The following KCNK2 variants were observed in gnomAD, a reference collection of about 807,000 sequenced individuals.
The protein encoded by KCNK2 is potassium channel subfamily K member 2.
A neutral mutation model predicts 40.5 loss-of-function variants in KCNK2; 21 were observed. The observed-to-expected ratio is 0.52, with a 90% CI of 0.37 to 0.75. KCNK2 has a LOEUF of 0.75. Among genes scored for constraint, KCNK2 ranks in the 30% least tolerant of loss-of-function variants. The pLI, the probability that KCNK2 is intolerant of heterozygous loss-of-function variation, is 0.00. For synonymous variants in KCNK2, 191 were observed against 202.2 expected, an observed-to-expected ratio of 0.94 and a Z score of 0.47; for missense variants, 399 against 531.6, an observed-to-expected ratio of 0.75 and a Z score of 2.45.
chr1:215,132,982 G>A (rs531075186), intron 3 of KCNK2, among the ~76,000 whole-genome samples: 1 of 152,192 alleles, frequency 6.6e-6, no homozygotes, highest in Non-Finnish European at 1.5e-5. Flanking sequence ...AAAGGGATTT[G>A]AGAACATTAG....
At chr1:215,025,066 T>C (rs975682467) in intron 1 of KCNK2, among the ~76,000 whole-genome samples, 2 of 151,986 alleles carry the variant, frequency 1.3e-5, no homozygotes, top group Non-Finnish European at 2.9e-5. Context: ...AGCTATCTGA[T>C]GGTTAAGTGC....
intron 1 of KCNK2, among the ~76,000 whole-genome samples, chr1:215,048,343 T>C (rs182716592): frequency 2.0e-5 from 3 of 152,304 alleles, no homozygotes; most frequent in Admixed American, 1.3e-4. Flanking sequence ...AAGCAAAGTG[T>C]GAGTAGCATT....
At chr1:215,115,274 G>A (rs966226535) in intron 2 of KCNK2, among the ~76,000 whole-genome samples, 4 of 151,928 alleles carry the variant, frequency 2.6e-5, no homozygotes, top group Non-Finnish European at 4.4e-5. Context: ...TGGAACTATA[G>A]GCTTAAGTGC....
At chr1:215,118,055 C>T (rs560606467) in intron 2 of KCNK2, among the ~76,000 whole-genome samples, 4 of 152,064 alleles carry the variant, frequency 2.6e-5, no homozygotes, top group Non-Finnish European at 5.9e-5. Flanking sequence ...AGTGTGGTTC[C>T]TCATTGTTTC....
At chr1:215,177,411 A>T (rs558210488) in intron 5 of KCNK2, among the ~76,000 whole-genome samples, 1 of 152,196 alleles carries the variant, frequency 6.6e-6, no homozygotes, top group East Asian at 1.9e-4. Context: ...TTGAGGACAT[A>T]GTCACAAATT....
At chr1:215,170,901 C>T (rs1276170414) in intron 4 of KCNK2, among the ~76,000 whole-genome samples, 4 of 151,776 alleles carry the variant, frequency 2.6e-5, no homozygotes, top group African/African-American at 7.3e-5. Flanking sequence ...AGTTCCATGC[C>T]CTTATGGTGA....
chr1:215,228,539 T>A (rs1006833698), intron 6 of KCNK2, among the ~76,000 whole-genome samples: 3 of 152,180 alleles, frequency 2.0e-5, no homozygotes, highest in Non-Finnish European at 2.9e-5. Context: ...ACCTCTTTCT[T>A]CCGTAAATTA....
intron 2 of KCNK2, among the ~76,000 whole-genome samples, chr1:215,092,134 A>AG (rs1387119199): frequency 6.6e-6 from 1 of 152,184 alleles, no homozygotes; most frequent in Non-Finnish European, 1.5e-5. Context: ...CTGGTAAGAA[A>AG]TGAGGGGGGC....
At chr1:215,230,578 AAGAC>A (rs1666616226) in intron 6 of KCNK2, among the ~76,000 whole-genome samples, 2 of 60,524 alleles carry the variant, frequency 3.3e-5, no homozygotes, top group African/African-American at 1.1e-4. Flanking sequence ...ATATATATAC[AAGAC>A]CGTAATATAT....
intron 3 of KCNK2, 136 bp from the exon 4 acceptor site, chr1:215,169,063 G>GTTC: frequency 1.7e-6 from 1 of 591,798 alleles, no homozygotes; most frequent in Non-Finnish European, 2.9e-6. Flanking sequence ...ACAATAGTAT[G>GTTC]TAATACAAAC....
At chr1:215,158,268 G>C (rs746701723) in intron 3 of KCNK2, among the ~76,000 whole-genome samples, 17 of 152,166 alleles carry the variant, frequency 1.1e-4, no homozygotes, top group Non-Finnish European at 1.9e-4. Context: ...CCATTTTGTG[G>C]TCAGTGAAAG....
rs1313932617 is a variant in KCNK2, at chr1:215,037,397, T to C, written c.34+31442T>C. On this transcript the variant is annotated intron_variant, in intron 1 of 6. Transcript: ENST00000391895. ...ATAAAGTCTGATTGGTTGTGATGAA[T>C]TGACTTTATTATATATTTCTGGGTT... Among the ~76,000 whole-genome samples, 6 of 152,008 alleles carry C rather than the reference T, an allele frequency of 3.9e-5. No homozygotes were observed. The East Asian group carries it at 5.8e-4, about 15-fold the overall frequency.
intron 1 of KCNK2, among the ~76,000 whole-genome samples, chr1:215,038,328 ACT>A (rs1030397570): frequency 6.6e-6 from 1 of 151,596 alleles, no homozygotes; most frequent in African/African-American, 2.4e-5. Flanking sequence ...GAAGTTCATG[ACT>A]CTTTTGTTCA....
At chr1:215,005,716 G>A, upstream of KCNK2, 1 of 536,206 alleles carries the variant, frequency 1.9e-6, no homozygotes, top group Non-Finnish European at 3.3e-6. Context: ...CATTTCACTT[G>A]CATACAGCAG....
chr1:215,049,296 C>A (rs1657897705), intron 1 of KCNK2, among the ~76,000 whole-genome samples: 1 of 152,132 alleles, frequency 6.6e-6, no homozygotes, highest in Admixed American at 6.6e-5. Context: ...CATCTTACAT[C>A]CACTTCAGTG....
intron 6 of KCNK2, among the ~76,000 whole-genome samples, chr1:215,224,996 G>A (rs1174803124): frequency 1.3e-5 from 2 of 151,990 alleles, no homozygotes; most frequent in African/African-American, 4.8e-5. Context: ...GTTTATTTAG[G>A]GCTGGATATG....
intron 3 of KCNK2, among the ~76,000 whole-genome samples, chr1:215,145,409 T>C (rs1662371431): frequency 2.0e-5 from 3 of 152,232 alleles, no homozygotes; most frequent in Admixed American, 2.0e-4. Context: ...AAGTCTTAAC[T>C]GCTATGCTAC....
chr1:215,176,124 C>G (rs901911588), intron 5 of KCNK2, among the ~76,000 whole-genome samples: 1 of 152,108 alleles, frequency 6.6e-6, no homozygotes, highest in South Asian at 2.1e-4. Context: ...AGTGTGTAAG[C>G]ATTCTCTTTT....
chr1:215,128,693 C>CA (rs1661543956), intron 3 of KCNK2, among the ~76,000 whole-genome samples: 1 of 152,012 alleles, frequency 6.6e-6, no homozygotes, highest in African/African-American at 2.4e-5. Context: ...AAAAAGCCTC[C>CA]CAGTCTGTGG....
Sources: gnomAD v4.1 joint callset for allele counts (sites outside exome capture counted in the v4.1 genomes callset) on GRCh38, gnomAD v4.1.1 for gene constraint, MANE v1.5 for transcripts, NCBI Gene and HGNC (gene_info 2026-07-23, HGNC 2026-07-21) for gene names.